Variants in GRIK4 observed in about 807,000 individuals in gnomAD.
The protein encoded by GRIK4 is glutamate receptor ionotropic, kainate 4.
A neutral mutation model predicts 104.9 loss-of-function variants in GRIK4; 40 were observed. The ratio of observed to expected loss-of-function variants is 0.38; its 90% CI spans 0.30 to 0.50. The LOEUF is 0.50. GRIK4 is among the 20% of genes least tolerant of loss of function. GRIK4 has a pLI of 0.93. For missense variants in GRIK4, 1,047 were observed against 1,308.1 expected, an observed-to-expected ratio of 0.80 and a Z score of 3.08; for synonymous variants, 485 against 524.9, an observed-to-expected ratio of 0.92 and a Z score of 1.04.
chr11:120,866,315 G>A (rs1448616023), intron 9 of GRIK4, among the ~76,000 whole-genome samples: 1 of 152,190 alleles, frequency 6.6e-6, no homozygotes, highest in Admixed American at 6.5e-5. Context: ...AGTTCTTCCT[G>A]CAGAGGTCGG....
chr11:120,525,253 T>C (rs77404358), intron 1 of GRIK4, among the ~76,000 whole-genome samples: 16,359 of 152,196 alleles, frequency 0.11, 1,150 homozygotes, highest in African/African-American at 0.2. Context: ...AGTGAGGGCA[T>C]TGAGGTTCAG....
At chr11:120,984,564 CAA>C (rs1944706390) in intron 20 of GRIK4, among the ~76,000 whole-genome samples, 1 of 152,014 alleles carries the variant, frequency 6.6e-6, no homozygotes. Context: ...GTCGGCAGTT[CAA>C]GACCAGCCTG....
intron 3 of GRIK4, among the ~76,000 whole-genome samples, chr11:120,713,758 A>G (rs1486906382): frequency 1.3e-5 from 2 of 152,158 alleles, no homozygotes; most frequent in African/African-American, 4.8e-5. Context: ...GAGATGTACA[A>G]CATGAATATT....
rs1427374764 is a variant in GRIK4, at chr11:120,929,885, T to C, written c.1477-10462T>C. ...GTCTGATCGCATCCACAGCATGACCTGAATCTGGTTCTAATGTTCCAGCCT... is the reference window on the plus strand; with the variant it reads ...GTCTGATCGCATCCACAGCATGACCCGAATCTGGTTCTAATGTTCCAGCCT... On this transcript the variant is annotated intron_variant, in intron 13 of 20. Transcript: ENST00000527524. Among the ~76,000 whole-genome samples the C allele has an allele frequency of 2.0e-5, 3 of 152,152 alleles. No homozygotes were observed. The East Asian group carries it at 5.8e-4, about 29-fold the overall frequency.
intron 11 of GRIK4, among the ~76,000 whole-genome samples, chr11:120,876,678 A>G (rs1592024210): frequency 6.6e-6 from 1 of 152,262 alleles, no homozygotes; most frequent in Non-Finnish European, 1.5e-5. Flanking sequence ...CTTATCCTTG[A>G]ACAAACAGTA....
rs368730187 is a variant in GRIK4, at chr11:120,720,318, G to A, written c.82+59918G>A. ...GCACTGCATTTTGTGTTTGATTCTG[G>A]TTTATTGTAGACTGTTTTCTGCAGA... On this transcript the variant is annotated intron_variant, in intron 3 of 20. Coordinates refer to ENST00000527524, the MANE Select transcript of GRIK4 (RefSeq NM_014619.5). Among the ~76,000 whole-genome samples the A allele has an allele frequency of 1.4e-4, 22 of 152,354 alleles. No homozygotes were observed. In the East Asian group the frequency reaches 1.5e-3, roughly 11 times the overall value.
intron 1 of GRIK4, among the ~76,000 whole-genome samples, chr11:120,572,575 TTCTC>T (rs1948415215): frequency 6.6e-6 from 1 of 152,166 alleles, no homozygotes; most frequent in African/African-American, 2.4e-5. Context: ...TCTGGGCTCT[TTCTC>T]TCCCTCCCGT....
intron 3 of GRIK4, among the ~76,000 whole-genome samples, chr11:120,749,460 C>G (rs1024415870): frequency 2.6e-5 from 4 of 152,236 alleles, no homozygotes; most frequent in African/African-American, 7.2e-5. Flanking sequence ...AGTCCTACTT[C>G]TGTCCTTGTG....
intron 11 of GRIK4, among the ~76,000 whole-genome samples, chr11:120,879,678 A>C (rs1255831633): frequency 6.6e-6 from 1 of 152,210 alleles, no homozygotes; most frequent in Non-Finnish European, 1.5e-5. Flanking sequence ...GTGCCCTGTC[A>C]GTGACATTTC....
At chr11:120,595,562 C>CT (rs1219184962) in intron 1 of GRIK4, among the ~76,000 whole-genome samples, 1 of 152,220 alleles carries the variant, frequency 6.6e-6, no homozygotes, top group Non-Finnish European at 1.5e-5. Flanking sequence ...ACCTTATCCT[C>CT]TGCTGCTTGA....
chr11:120,821,954 A>T (rs943140821), intron 6 of GRIK4, among the ~76,000 whole-genome samples: 4 of 152,182 alleles, frequency 2.6e-5, no homozygotes, highest in African/African-American at 9.7e-5. Flanking sequence ...TCACACCTGT[A>T]ATCCCAACAC....
intron 1 of GRIK4, among the ~76,000 whole-genome samples, chr11:120,531,804 G>C (rs1947926912): frequency 6.6e-6 from 1 of 152,040 alleles, no homozygotes; most frequent in Non-Finnish European, 1.5e-5. Flanking sequence ...TCGGACTCCT[G>C]ACCTCAGATG....
intron 3 of GRIK4, among the ~76,000 whole-genome samples, chr11:120,676,619 A>C (rs1950103085): frequency 6.6e-6 from 1 of 152,210 alleles, no homozygotes; most frequent in South Asian, 2.1e-4. Context: ...CCATTCCTGC[A>C]ATAAATAGTC....
intron 13 of GRIK4, among the ~76,000 whole-genome samples, chr11:120,907,737 A>G (rs1005597346): frequency 3.3e-5 from 5 of 152,072 alleles, no homozygotes; most frequent in Admixed American, 1.3e-4. Context: ...GAACATCTAG[A>G]GGAGAGTAGG....
At chr11:120,705,273 G>A (rs1342228717) in intron 3 of GRIK4, among the ~76,000 whole-genome samples, 1 of 132,662 alleles carries the variant, frequency 7.5e-6, no homozygotes, top group Non-Finnish European at 1.6e-5. Context: ...CTGTTGTCTT[G>A]CAGGCTGGAG....
At chr11:120,874,307 G>A (rs1172146552) in intron 10 of GRIK4, 89 bp downstream of exon 10, 3 of 1,063,778 alleles carry the variant, frequency 2.8e-6, no homozygotes, top group Non-Finnish European at 4.1e-6. Context: ...TCAACTCCAG[G>A]CTTGCTCGAA....
At chr11:120,764,291 G>T (rs1951796019) in intron 3 of GRIK4, among the ~76,000 whole-genome samples, 1 of 151,990 alleles carries the variant, frequency 6.6e-6, no homozygotes, top group Admixed American at 6.6e-5. Flanking sequence ...CTTTCCATTT[G>T]CTTGGTAAAG....
At chr11:120,896,351 G>A (rs895044966) in intron 11 of GRIK4, among the ~76,000 whole-genome samples, 7 of 152,224 alleles carry the variant, frequency 4.6e-5, no homozygotes, top group African/African-American at 1.7e-4. Flanking sequence ...TCTGTAAAAC[G>A]GGGCTTGTTG....
intron 8 of GRIK4, among the ~76,000 whole-genome samples, chr11:120,860,307 C>G (rs1298417755): frequency 6.6e-6 from 1 of 152,102 alleles, no homozygotes; most frequent in African/African-American, 2.4e-5. Context: ...TAATCTACAC[C>G]CTCTTGACTG....
Sources: allele counts gnomAD v4.1 joint callset (sites outside exome capture counted in the v4.1 genomes callset), GRCh38; gene constraint gnomAD v4.1.1; transcripts MANE v1.5; gene names NCBI Gene and HGNC (gene_info 2026-07-23, HGNC 2026-07-21).